The following STXBP6 variants were observed in gnomAD, a reference collection of about 807,000 sequenced individuals.
The protein encoded by STXBP6 is syntaxin-binding protein 6.
Under a neutral mutation model 26.9 loss-of-function variants are expected in STXBP6, and 21 were observed. The observed-to-expected ratio is 0.78, with a 90% CI of 0.55 to 1.12. The LOEUF is 1.12. Among genes scored for constraint, STXBP6 ranks in the 50% most tolerant of loss-of-function variants. The pLI is 0.00. For missense variants in STXBP6, 232 were observed against 257.9 expected (o/e 0.90, Z 0.69); for synonymous variants, 97 against 92.6 (o/e 1.05, Z -0.27).
chr14:25,008,635 C>T (rs2074959554), intron 1 of STXBP6, among the ~76,000 whole-genome samples: 1 of 152,186 alleles, frequency 6.6e-6, no homozygotes, highest in African/African-American at 2.4e-5. Flanking sequence ...AGAACAGCGT[C>T]TATTGGCAAC....
intron 2 of STXBP6, among the ~76,000 whole-genome samples, chr14:24,870,332 G>T (rs207586): frequency 6.6e-6 from 1 of 152,068 alleles, no homozygotes; most frequent in African/African-American, 2.4e-5. Context: ...CAAAAGCAAT[G>T]TTTTGCATTC....
chr14:24,850,209 A>T (rs1490450819), intron 4 of STXBP6, among the ~76,000 whole-genome samples: 4 of 152,120 alleles, frequency 2.6e-5, no homozygotes, highest in Non-Finnish European at 5.9e-5. Flanking sequence ...ACAAAGTCAC[A>T]GTTTGATTGA....
chr14:24,965,269 G>A (rs375624253), intron 2 of STXBP6, among the ~76,000 whole-genome samples: 3 of 146,562 alleles, frequency 2.0e-5, no homozygotes, highest in African/African-American at 5.2e-5. Context: ...CTGGGTTATC[G>A]TGTGATTTTG....
intron 1 of STXBP6, among the ~76,000 whole-genome samples, chr14:25,022,222 T>A (rs2075274698): frequency 6.6e-6 from 1 of 152,206 alleles, no homozygotes; most frequent in Admixed American, 6.5e-5. Context: ...TTAGGGCCAG[T>A]TTCTTTAACT....
At chr14:24,901,890 C>A (rs1293337044) in intron 2 of STXBP6, among the ~76,000 whole-genome samples, 4 of 151,988 alleles carry the variant, frequency 2.6e-5, no homozygotes, top group Non-Finnish European at 5.9e-5. Flanking sequence ...AAAAGAGGTT[C>A]CTGGGATGAT....
intron 2 of STXBP6, among the ~76,000 whole-genome samples, chr14:24,973,553 T>A (rs1306934198): frequency 6.6e-6 from 1 of 151,884 alleles, no homozygotes; most frequent in African/African-American, 2.4e-5. Context: ...GCCTGGCTAA[T>A]TTTTTTATTT....
At position 24,815,835 on chromosome 14, in the gene STXBP6, T is replaced by G. The variant is rs570857043; in HGVS notation, c.610-3103A>C. Reference sequence around the variant, plus strand: ...TGGTGCACTTTCCTGAGGTTAACTTTGCATGAAGCCCGGAGCTCAAGAAAG... The same window carrying G: ...TGGTGCACTTTCCTGAGGTTAACTTGGCATGAAGCCCGGAGCTCAAGAAAG... On this transcript the variant is annotated intron_variant, in intron 5 of 5. Coordinates refer to ENST00000323944, the MANE Select transcript of STXBP6 (RefSeq NM_001394410.1). The G allele has an allele frequency of 2.6e-5, 4 of 152,256 alleles. No homozygotes were observed. The East Asian group carries it at 7.7e-4, about 29-fold the overall frequency. 9.4% of individuals were successfully genotyped at this position (152,256 alleles called of 1,614,324 possible).
rs1187638104 is a variant in STXBP6 at position 24,981,093 on chromosome 14, C to G, written c.-32-6243G>C. On this transcript the variant is annotated intron_variant, in intron 1 of 5. Coordinates refer to ENST00000323944, the MANE Select transcript of STXBP6 (RefSeq NM_001394410.1). ...AAAACAAATAAAAAGACCCCAGAAA[C>G]AAGTGTACATGGCAAATATTTTGTA... Among the ~76,000 whole-genome samples, 3 of 152,290 alleles carry G rather than the reference C, an allele frequency of 2.0e-5. No individual in the cohort carries two copies. The East Asian group carries it at 5.8e-4, about 29-fold the overall frequency.
At position 24,868,813 on chromosome 14, in the gene STXBP6, G is replaced by A. The variant is rs538769997; in HGVS notation, c.155-11656C>T. On this transcript the variant is annotated intron_variant, in intron 2 of 5. Coordinates refer to ENST00000323944, the MANE Select transcript of STXBP6 (RefSeq NM_001394410.1). Reference sequence around the variant, plus strand: ...GTAGTAGTAAAAACAGAGAGAAAAGGGATAGTCTAACCCACTCTTCATTGC... The same window carrying A: ...GTAGTAGTAAAAACAGAGAGAAAAGAGATAGTCTAACCCACTCTTCATTGC... 2.0e-4 allele frequency among the ~76,000 whole-genome samples: 31 copies of A among 152,232 alleles called. No individual in the cohort carries two copies. In the South Asian group the frequency reaches 3.5e-3, roughly 17 times the overall value.
Position 24,857,038 on chromosome 14 carries a change from C to T in STXBP6, c.274G>A (p.Asp92Asn), listed in dbSNP as rs1427522586. 1.1e-5 allele frequency: 18 copies of T among 1,612,780 alleles called. No individual in the cohort carries two copies. Among genetic ancestry groups the T allele is most frequent in the East Asian group, 2.2e-5 (1 of 44,858 alleles). ...GACAATTCACTCACCCCATTAGGAT[C>T]GATACCATTAACCTGGCGAAGCTGC... ...LEQLRQVNGI[D>N]PNGDSAEFDL... Residue 92 changes from aspartate to asparagine, a missense_variant, in exon 3 of 6, where the codon GAT becomes AAT. By Grantham distance (23) the Asp-to-Asn change is conservative (BLOSUM62 1). Coordinates refer to ENST00000323944, the MANE Select transcript of STXBP6 (RefSeq NM_001394410.1).
At chr14:24,976,880 T>TTTTTTTG (rs2074060892) in intron 1 of STXBP6, among the ~76,000 whole-genome samples, 12 of 136,084 alleles carry the variant, frequency 8.8e-5, no homozygotes, top group Non-Finnish European at 1.4e-4. Flanking sequence ...TTTTTTTTTT[T>TTTTTTTG]GAGGCAGAGT....
At chr14:24,892,446 T>C (rs1456328977) in intron 2 of STXBP6, among the ~76,000 whole-genome samples, 1 of 152,178 alleles carries the variant, frequency 6.6e-6, no homozygotes, top group Non-Finnish European at 1.5e-5. Flanking sequence ...GCCAGATGTT[T>C]CTATATTCTT....
chr14:24,877,416 T>G (rs1237130197), intron 2 of STXBP6, among the ~76,000 whole-genome samples: 2 of 152,216 alleles, frequency 1.3e-5, no homozygotes, highest in African/African-American at 4.8e-5. Flanking sequence ...CCTGCCTTCC[T>G]GTATACCTTT....
intron 2 of STXBP6, among the ~76,000 whole-genome samples, chr14:24,858,904 G>T (rs1412339918): frequency 6.6e-6 from 1 of 152,098 alleles, no homozygotes; most frequent in Non-Finnish European, 1.5e-5. Context: ...TGCACAAAGA[G>T]AATTTCCTCC....
At chr14:25,016,634 A>T (rs2075155059) in intron 1 of STXBP6, among the ~76,000 whole-genome samples, 1 of 152,240 alleles carries the variant, frequency 6.6e-6, no homozygotes, top group Non-Finnish European at 1.5e-5. Flanking sequence ...TACATGTCAC[A>T]TACAACTTTT....
rs142956561 is a variant in STXBP6 at position 24,816,329 on chromosome 14, C to T, written c.609+2708G>A. ...GGCTGTGGCTTGTCCAGTAAAATGA[C>T]AGCTTCATGGTCAGCCTATGCTAGC... On this transcript the variant is annotated intron_variant, in intron 5 of 5. Transcript: ENST00000323944. The T allele has an allele frequency of 5.0e-3, 768 of 152,292 alleles. 10 individuals are homozygous for T. The highest frequency in any genetic ancestry group is 0.018 in the African/African-American group (752 of 41,532). The allele number at this position is 152,292 out of a possible 1,614,324, so 9.4% of individuals were successfully genotyped here.
intron 4 of STXBP6, among the ~76,000 whole-genome samples, chr14:24,835,237 T>C (rs937496807): frequency 6.6e-6 from 1 of 152,212 alleles, no homozygotes; most frequent in Admixed American, 6.5e-5. Context: ...ACTTAGAAGC[T>C]GCTCTAGAGC....
chr14:24,855,839 GT>G, intron 4 of STXBP6, 96 bp downstream of exon 4: 1 of 1,202,002 alleles, frequency 8.3e-7, no homozygotes, highest in Non-Finnish European at 1.2e-6. Flanking sequence ...TTCTTCTCCT[GT>G]TTTTGTCTTT....
intron 1 of STXBP6, among the ~76,000 whole-genome samples, chr14:25,010,958 G>A (rs1197770810): frequency 9.2e-5 from 14 of 152,062 alleles, no homozygotes; most frequent in Admixed American, 9.2e-4. Flanking sequence ...TCAATGAGAT[G>A]ACTTGCTGGA....
Sources: gnomAD v4.1 joint callset for allele counts (sites outside exome capture counted in the v4.1 genomes callset) on GRCh38, gnomAD v4.1.1 for gene constraint, MANE v1.5 for transcripts, NCBI Gene and HGNC (gene_info 2026-07-23, HGNC 2026-07-21) for gene names.